The following SLIT2 variants were observed in gnomAD, a reference collection of about 807,000 sequenced individuals.
The protein encoded by SLIT2 is slit homolog 2 protein.
SLIT2 carries 41 observed loss-of-function variants against 185.7 expected under a neutral mutation model. That is an observed-to-expected ratio of 0.22 (90% CI 0.17 to 0.29). The LOEUF (loss-of-function observed/expected upper bound fraction) is 0.29. Among genes scored for constraint, SLIT2 ranks in the 10% least tolerant of loss-of-function variants. The pLI is 1.00. For synonymous variants in SLIT2, 693 were observed against 680.2 expected (o/e 1.02, Z -0.29); for missense variants, 1,571 against 1,909.0 (o/e 0.82, Z 3.30).
intron 5 of SLIT2, 45 bp downstream of exon 5, chr4:20,467,868 AT>A: frequency 1.0e-6 from 1 of 966,862 alleles, no homozygotes; most frequent in Non-Finnish European, 1.6e-6. Context: ...GTCATTATCT[AT>A]TTTCAAAGTC....
At position 20,253,985 on chromosome 4, in the gene SLIT2, C is replaced by A; in HGVS notation, c.170C>A (p.Thr57Asn). The A allele has an allele frequency of 1.2e-6, 2 of 1,602,826 alleles. No homozygotes were observed. Among genetic ancestry groups the A allele is most frequent in the Non-Finnish European group, 1.7e-6 (2 of 1,179,482 alleles). Reference sequence around the variant, plus strand: ...GTGCCCAGGAATATCCCCCGCAACACCGAGAGACTGTGAGTATGCGCTCTT... The same window carrying A: ...GTGCCCAGGAATATCCCCCGCAACAACGAGAGACTGTGAGTATGCGCTCTT... ...RSVPRNIPRNTERLDLNGNNI... is the reference protein window; with the variant it reads ...RSVPRNIPRNNERLDLNGNNI... Residue 57 changes from threonine (T) to asparagine (N), a missense_variant, in exon 1 of 37, where the codon ACC becomes AAC. This residue lies in a region of SLIT2 where 1,202 missense variants were observed against 1,416.4 expected (regional missense o/e 0.85). Transcript: ENST00000504154.
At chr4:20,585,559 C>T (rs1726984232) in intron 29 of SLIT2, among the ~76,000 whole-genome samples, 1 of 152,208 alleles carries the variant, frequency 6.6e-6, no homozygotes, top group Non-Finnish European at 1.5e-5. Context: ...GGCTCATAGA[C>T]ACCAACATTT....
intron 4 of SLIT2, among the ~76,000 whole-genome samples, chr4:20,375,478 T>C (rs866745824): frequency 1.3e-5 from 2 of 152,140 alleles, no homozygotes; most frequent in Admixed American, 6.6e-5. Flanking sequence ...ATGATAATTT[T>C]GTTGATTATG....
chr4:20,253,858 T>C lies in SLIT2; in HGVS notation c.43T>C (p.Leu15=). ...GWQMLSLSLG[L]VLAILNKVAP... ...GCAGATGCTGTCCCTGTCGCTGGGG[T>C]TAGTGCTGGCGATCCTGAACAAGGT... Residue 15 remains leucine (L), a synonymous_variant, in exon 1 of 37, where the codon TTA becomes CTA. Transcript: ENST00000504154. The C allele has an allele frequency of 1.9e-6, 3 of 1,600,202 alleles. No homozygotes were observed. Among genetic ancestry groups the C allele is most frequent in the Non-Finnish European group, 2.5e-6 (3 of 1,179,800 alleles).
Position 20,433,987 on chromosome 4 carries a change from AT to A in SLIT2, c.396-33764del, listed in dbSNP as rs1729164798. 2.0e-5 allele frequency among the ~76,000 whole-genome samples: 3 copies of A among 152,304 alleles called. No homozygotes were observed. In the South Asian group the frequency reaches 6.2e-4, roughly 32 times the overall value. On this transcript the variant is annotated intron_variant, in intron 4 of 36. Transcript: ENST00000504154. ...AAGACTCAGGACATAAAATTTGCTT[AT>A]CTAAAATTTTAATTGAATTAAAAGG... is the stretch of plus-strand genomic sequence containing the variant.
rs75475641 is a variant in SLIT2, at chr4:20,258,591, G to A, written c.323+652G>A. 8.2e-3 allele frequency among the ~76,000 whole-genome samples: 1,240 copies of A among 151,786 alleles called. 14 individuals are homozygous for A. Among genetic ancestry groups the A allele is most frequent in the Non-Finnish European group, 0.013 (889 of 67,650 alleles). On this transcript the variant is annotated intron_variant, in intron 3 of 36. Coordinates refer to ENST00000504154, the MANE Select transcript of SLIT2 (RefSeq NM_004787.4). ...CCAAGAAGATTAAATGTAGACTTCA[G>A]ATTTTAAGATACGTTTTTTACATAT... is the stretch of plus-strand genomic sequence containing the variant.
intron 4 of SLIT2, among the ~76,000 whole-genome samples, chr4:20,312,442 A>G (rs1718195251): frequency 6.6e-6 from 1 of 152,166 alleles, no homozygotes; most frequent in Admixed American, 6.5e-5. Flanking sequence ...AAAGTGTTAT[A>G]TATTTTGTAG....
intron 34 of SLIT2, among the ~76,000 whole-genome samples, chr4:20,612,549 C>T (rs1729303103): frequency 1.3e-5 from 2 of 151,984 alleles, no homozygotes; most frequent in Non-Finnish European, 2.9e-5. Flanking sequence ...AAGACCACAG[C>T]CTTGAATGCT....
In SLIT2 at chr4:20,472,475, GATATATATCT is replaced by G. The variant is rs1715444020; in HGVS notation, c.467+4660_467+4669del. The stretch of plus-strand genomic sequence containing the variant: ...ATAGATATATCTATATCTATATATA[GATATATATCT>G]ATATATAGATATATATCTATATATA... On this transcript the variant is annotated intron_variant, in intron 5 of 36. Transcript: ENST00000504154. Among the ~76,000 whole-genome samples, 3 of 32,302 alleles carry G rather than the reference GATATATATCT, an allele frequency of 9.3e-5. 1 individual carries two copies. The highest frequency in any genetic ancestry group is 4.6e-4 in the African/African-American group (3 of 6,454). 21.2% of individuals were successfully genotyped at this position (32,302 alleles called of 152,430 possible).
At chr4:20,271,688 G>C (rs1713630009) in intron 4 of SLIT2, among the ~76,000 whole-genome samples, 1 of 151,504 alleles carries the variant, frequency 6.6e-6, no homozygotes, top group African/African-American at 2.4e-5. Flanking sequence ...TGTTTTCCCA[G>C]GTATATCACT....
At chr4:20,545,912 C>T in intron 21 of SLIT2, 119 bp from the exon 22 acceptor site, 1 of 470,008 alleles carries the variant, frequency 2.1e-6, no homozygotes, top group Non-Finnish European at 3.8e-6. Context: ...AACACGACAT[C>T]TTAAAGCAAA....
At chr4:20,556,791 C>G (rs958246650) in intron 26 of SLIT2, among the ~76,000 whole-genome samples, 2 of 151,952 alleles carry the variant, frequency 1.3e-5, no homozygotes, top group African/African-American at 4.8e-5. Context: ...GAGAGAGACC[C>G]AAAGCTAAGC....
At chr4:20,435,957 A>G (rs1729318924) in intron 4 of SLIT2, among the ~76,000 whole-genome samples, 1 of 152,336 alleles carries the variant, frequency 6.6e-6, no homozygotes, top group South Asian at 2.1e-4. Context: ...AGTTGAATAC[A>G]AGATAGTTTT....
At chr4:20,579,315 A>AG (rs1359255464) in intron 29 of SLIT2, among the ~76,000 whole-genome samples, 76 of 151,948 alleles carry the variant, frequency 5.0e-4, no homozygotes, top group African/African-American at 1.8e-3. Context: ...AAAAAAAAAA[A>AG]TAGCCCAGCC....
chr4:20,442,381 A>G (rs1729822144), intron 4 of SLIT2, among the ~76,000 whole-genome samples: 1 of 151,986 alleles, frequency 6.6e-6, no homozygotes, highest in Non-Finnish European at 1.5e-5. Context: ...AAAATTAGCT[A>G]GGTGTGGTGG....
At chr4:20,494,813 A>G (rs180711891) in intron 9 of SLIT2, among the ~76,000 whole-genome samples, 1 of 152,174 alleles carries the variant, frequency 6.6e-6, no homozygotes, top group East Asian at 1.9e-4. Context: ...AATACAGACT[A>G]TAATAATTTT....
chr4:20,320,250 T>C (rs1718952975), intron 4 of SLIT2, among the ~76,000 whole-genome samples: 1 of 152,208 alleles, frequency 6.6e-6, no homozygotes, highest in Admixed American at 6.5e-5. Flanking sequence ...CCCAACATTC[T>C]CATTCAGTTT....
intron 25 of SLIT2, among the ~76,000 whole-genome samples, chr4:20,552,129 A>G (rs928307061): frequency 3.3e-5 from 5 of 152,186 alleles, no homozygotes; most frequent in African/African-American, 1.2e-4. Flanking sequence ...GAGCTGCAAT[A>G]TGAAGGAAGC....
intron 4 of SLIT2, among the ~76,000 whole-genome samples, chr4:20,307,197 T>G (rs1717654494): frequency 7.9e-6 from 1 of 126,030 alleles, no homozygotes. Flanking sequence ...CTTCCTTCTT[T>G]CCCTGACTCC....
Sources: allele counts gnomAD v4.1 joint callset (sites outside exome capture counted in the v4.1 genomes callset), GRCh38; gene constraint gnomAD v4.1.1; regional missense constraint gnomAD v4.1.1; transcripts MANE v1.5; gene names NCBI Gene and HGNC (gene_info 2026-07-23, HGNC 2026-07-21).